ANKRD28: variants seen among roughly 807,000 people sequenced by gnomAD.
The protein encoded by ANKRD28 is serine/threonine-protein phosphatase 6 regulatory ankyrin repeat subunit A.
Under a neutral mutation model 126.5 loss-of-function variants are expected in ANKRD28, and 44 were observed. That is an observed-to-expected ratio of 0.35 (90% CI 0.27 to 0.45). ANKRD28 has a LOEUF of 0.45. ANKRD28 is among the 20% of genes least tolerant of loss of function. The probability of loss-of-function intolerance (pLI) is 1.00; values close to 1 mark genes in which losing one functional copy is unlikely to be tolerated. For missense variants in ANKRD28, 1,110 were observed against 1,316.6 expected, an observed-to-expected ratio of 0.84 and a Z score of 2.43; for synonymous variants, 442 against 468.5, an observed-to-expected ratio of 0.94 and a Z score of 0.73.
At position 15,737,174 on chromosome 3, in the gene ANKRD28, C is replaced by A; in HGVS notation, c.411G>T (p.Trp137Cys). The A allele has an allele frequency of 6.2e-7, 1 of 1,613,944 alleles. No individual in the cohort carries two copies. The highest frequency in any genetic ancestry group is 8.5e-7 in the Non-Finnish European group (1 of 1,179,882). Residue 137 changes from tryptophan (W) to cysteine (C), a missense_variant, in exon 5 of 28, where the codon TGG (tryptophan) becomes TGT (cysteine). Coordinates refer to ENST00000683139, the MANE Select transcript of ANKRD28 (RefSeq NM_001349278.2). Reference protein sequence around the residue: ...SADVNARDKNWQTPLHIAAAN... With the variant: ...SADVNARDKNCQTPLHIAAAN... ...CAGCAGCTATATGTAAAGGGGTTTG[C>A]CAATTTTTGTCTCGAGCATTAACAT...
rs1369531607 is a variant in ANKRD28 at position 15,675,921 on chromosome 3, C to G, written c.2942G>C (p.Ser981Thr). Residue 981 changes from serine to threonine, a missense_variant, in exon 27 of 28, where the codon AGT becomes ACT. By Grantham distance (58) the Ser-to-Thr change is moderately conservative (BLOSUM62 1). Transcript: ENST00000683139. ...VVQELLGKGA[S>T]VLAVDENGYT... ...ACCATTTTCATCTACTGCAAGCACA[C>G]TTGCTCCTTTTCCCAAAAGTTCCTG... 1.2e-6 allele frequency: 2 copies of G among 1,612,930 alleles called. No individual in the cohort carries two copies. Among genetic ancestry groups the G allele is most frequent in the Non-Finnish European group, 1.7e-6 (2 of 1,179,144 alleles).
chr3:15,781,787 T>C (rs533339654), intron 2 of ANKRD28: 1 of 152,278 alleles, frequency 6.6e-6, no homozygotes, highest in African/African-American at 2.4e-5. Flanking sequence ...GTTGTTGTTT[T>C]TAATTCCCTG....
intron 1 of ANKRD28, among the ~76,000 whole-genome samples, chr3:15,813,543 C>T (rs1356686745): frequency 2.6e-5 from 4 of 152,122 alleles, no homozygotes; most frequent in Admixed American, 2.6e-4. Context: ...CAGCATACTG[C>T]ACCTTGGTAA....
At chr3:15,773,768 T>C (rs966431508) in intron 2 of ANKRD28, among the ~76,000 whole-genome samples, 4 of 152,210 alleles carry the variant, frequency 2.6e-5, no homozygotes, top group Non-Finnish European at 4.4e-5. Flanking sequence ...CTCAATTTGA[T>C]CTATAGATTC....
At chr3:15,808,785 C>T (rs187118291) in intron 1 of ANKRD28, among the ~76,000 whole-genome samples, 52 of 152,192 alleles carry the variant, frequency 3.4e-4, no homozygotes, top group African/African-American at 1.2e-3. Context: ...TTAATTGTTT[C>T]GACCCACTGC....
At chr3:15,707,268 A>G (rs563297774) in intron 14 of ANKRD28, among the ~76,000 whole-genome samples, 79 of 150,652 alleles carry the variant, frequency 5.2e-4, no homozygotes, top group Non-Finnish European at 1.1e-3. Context: ...GAAAAAAAAA[A>G]TATGTATCAA....
At chr3:15,859,150 G>A (rs1336675191) in intron 1 of ANKRD28, among the ~76,000 whole-genome samples, 1 of 152,178 alleles carries the variant, frequency 6.6e-6, no homozygotes, top group Non-Finnish European at 1.5e-5. Context: ...TTGCTGCAGC[G>A]GCTAGACCCC....
chr3:15,820,761 T>C (rs554985031), intron 1 of ANKRD28, among the ~76,000 whole-genome samples: 1 of 152,264 alleles, frequency 6.6e-6, no homozygotes, highest in Non-Finnish European at 1.5e-5. Flanking sequence ...TTATTAACAT[T>C]AAAGAAATTC....
intron 27 of ANKRD28, among the ~76,000 whole-genome samples, chr3:15,673,050 C>T (rs2066544068): frequency 6.6e-6 from 1 of 152,150 alleles, no homozygotes; most frequent in Non-Finnish European, 1.5e-5. Context: ...GTGCTAGGAC[C>T]ATAGGCATGG....
chr3:15,802,395 A>G (rs2060480650), upstream of ANKRD28, among the ~76,000 whole-genome samples: 1 of 152,166 alleles, frequency 6.6e-6, no homozygotes, highest in Non-Finnish European at 1.5e-5. Context: ...AGAGAAATAA[A>G]AAGTCCTGCC....
intron 1 of ANKRD28, among the ~76,000 whole-genome samples, chr3:15,850,204 A>AAAAAATATATATATATAT (rs1486394619): frequency 1.8e-5 from 1 of 54,832 alleles, no homozygotes; most frequent in Admixed American, 2.4e-4. Context: ...AAAAAAAAAA[A>AAAAAATATATATATATAT]ATATATATAT....
chr3:15,842,581 A>G (rs1328085425), intron 1 of ANKRD28, among the ~76,000 whole-genome samples: 1 of 152,222 alleles, frequency 6.6e-6, no homozygotes, highest in Non-Finnish European at 1.5e-5. Context: ...ACAAAAGAGC[A>G]TAACTGGGTT....
chr3:15,720,608 C>A (rs1250846661), intron 8 of ANKRD28, among the ~76,000 whole-genome samples: 2 of 152,248 alleles, frequency 1.3e-5, no homozygotes, highest in Non-Finnish European at 2.9e-5. Context: ...ACCATCATCA[C>A]ATAACGTCCC....
intron 13 of ANKRD28, among the ~76,000 whole-genome samples, chr3:15,709,222 A>G (rs999058927): frequency 4.6e-5 from 7 of 152,180 alleles, no homozygotes; most frequent in African/African-American, 1.4e-4. Context: ...TTACACATAT[A>G]TATTTATAAC....
At chr3:15,841,311 AAGCACAGGCAATC>A (rs2061421366) in intron 1 of ANKRD28, among the ~76,000 whole-genome samples, 1 of 152,236 alleles carries the variant, frequency 6.6e-6, no homozygotes, top group African/African-American at 2.4e-5. Context: ...AATACTCCAC[AAGCACAGGCAATC>A]AAAGCAAATA....
chr3:15,854,707 T>C lies in ANKRD28; in HGVS notation c.27+4670A>G, dbSNP rs1325219466. Among the ~76,000 whole-genome samples, 1 of 151,596 alleles carries C rather than the reference T, an allele frequency of 6.6e-6. No individual in the cohort carries two copies. The highest frequency in any genetic ancestry group is 1.9e-4 in the East Asian group (1 of 5,170). ...TCCCCTCTTCTAAGATCTGTAAGGGTAGAGATGGTAGCTACTTCACCCTTG... is the reference window on the plus strand; with the variant it reads ...TCCCCTCTTCTAAGATCTGTAAGGGCAGAGATGGTAGCTACTTCACCCTTG... On this transcript the variant is annotated intron_variant, in intron 1 of 27. Transcript: ENST00000399451. This position sits in a 1 kb window ranked among gnomAD's most constrained non-coding sequence, Gnocchi z 4.1.
At chr3:15,859,567 G>C in exon 1 of ANKRD28, 1 of 353,316 alleles carries the variant, frequency 2.8e-6, no homozygotes, top group Non-Finnish European at 4.1e-6. Context: ...GGGCGGCGCC[G>C]CCTCCCCGGC....
intron 1 of ANKRD28, among the ~76,000 whole-genome samples, chr3:15,850,224 T>TATATATATATATAGAGAGAGAGAGAG: frequency 5.7e-5 from 2 of 35,116 alleles, no homozygotes; most frequent in Non-Finnish European, 1.2e-4. Context: ...TATATATATA[T>TATATATATATATAGAGAGAGAGAGAG]AGAGAGAGAG....
intron 14 of ANKRD28, among the ~76,000 whole-genome samples, chr3:15,706,189 C>T (rs1243544921): frequency 6.6e-6 from 1 of 152,012 alleles, no homozygotes; most frequent in Non-Finnish European, 1.5e-5. Flanking sequence ...GTGCTGCACC[C>T]ATTAACTCGT....
Sources: allele counts gnomAD v4.1 joint callset (sites outside exome capture counted in the v4.1 genomes callset), GRCh38; gene constraint gnomAD v4.1.1; non-coding constraint Gnocchi (gnomAD v3.1); transcripts MANE v1.5; gene names NCBI Gene and HGNC (gene_info 2026-07-23, HGNC 2026-07-21).